The following TTC28 variants were observed in gnomAD, a reference collection of about 807,000 sequenced individuals.
The protein encoded by TTC28 is tetratricopeptide repeat protein 28.
A neutral mutation model predicts 198.0 loss-of-function variants in TTC28; 61 were observed. The observed-to-expected ratio is 0.31, with a 90% CI of 0.25 to 0.38. TTC28 has a LOEUF of 0.38. Ranked by LOEUF, TTC28 falls within the 10% of genes least tolerant of loss-of-function variation. TTC28 has a pLI of 1.00. For synonymous variants in TTC28, 1,171 were observed against 1,297.8 expected, an observed-to-expected ratio of 0.90 and a Z score of 2.10; for missense variants, 2,678 against 3,164.0, an observed-to-expected ratio of 0.85 and a Z score of 3.69.
At chr22:28,528,674 T>G (rs2049061936) in intron 2 of TTC28, among the ~76,000 whole-genome samples, 1 of 145,352 alleles carries the variant, frequency 6.9e-6, no homozygotes, top group African/African-American at 2.5e-5. Flanking sequence ...AAGCGGAGGT[T>G]ACAGTGAACT....
In TTC28 at chr22:28,435,349, G is replaced by C. The variant is rs574212848; in HGVS notation, c.382-128706C>G. ...CTCTTAGCTAGAAGAACCTAAAAAG[G>C]GTGGACTAACAAGAAAGTTCAGGAC... On this transcript the variant is annotated intron_variant, in intron 2 of 22. Transcript: ENST00000397906. Among the ~76,000 whole-genome samples, 69 of 152,238 alleles carry C rather than the reference G, an allele frequency of 4.5e-4. 1 individual carries two copies. The South Asian group carries it at 0.014, about 31-fold the overall frequency.
intron 2 of TTC28, among the ~76,000 whole-genome samples, chr22:28,607,709 A>C (rs769794189): frequency 9.9e-5 from 15 of 152,252 alleles, no homozygotes; most frequent in Admixed American, 4.6e-4. Flanking sequence ...ATCTCCCTGA[A>C]TCTTACTTTA....
Position 27,983,192 on chromosome 22 carries a change from G to C in TTC28, c.6475C>G (p.Pro2159Ala). The C allele has an allele frequency of 6.4e-7, 1 of 1,551,850 alleles. No individual in the cohort carries two copies. Residue 2159 changes from proline (P) to alanine (A), a missense_variant, in exon 23 of 23, where the codon CCA becomes GCA. Around this residue, in one of 8 missense-constraint regions of TTC28, gnomAD observed 622 missense variants for 656.0 expected, o/e 0.95. Coordinates refer to ENST00000397906, the MANE Select transcript of TTC28 (RefSeq NM_001145418.2). The part of the protein sequence containing the change: ...SQEESNPKLD[P>A]QELAQKILEE... The stretch of plus-strand genomic sequence containing the variant: ...AGAATTTTCTGGGCTAACTCTTGTG[G>C]ATCCAGTTTTGGGTTGCTTTCTTCT...
intron 5 of TTC28, among the ~76,000 whole-genome samples, chr22:28,171,523 G>A (rs191756725): frequency 1.3e-5 from 2 of 150,926 alleles, no homozygotes; most frequent in East Asian, 2.0e-4. Flanking sequence ...ATAGATATGA[G>A]TGATTTTCTA....
chr22:28,559,221 G>C (rs2049832730), intron 2 of TTC28, among the ~76,000 whole-genome samples: 1 of 151,986 alleles, frequency 6.6e-6, no homozygotes, highest in South Asian at 2.1e-4. Flanking sequence ...TTTCTACAAA[G>C]ATCAATTGAT....
chr22:28,074,870 C>T (rs1264831523), intron 12 of TTC28, among the ~76,000 whole-genome samples: 1 of 152,164 alleles, frequency 6.6e-6, no homozygotes, highest in Non-Finnish European at 1.5e-5. Flanking sequence ...GAGGCCAAGG[C>T]AGGCGGATCA....
At chr22:28,402,741 T>G (rs1158425262) in intron 2 of TTC28, among the ~76,000 whole-genome samples, 1 of 152,214 alleles carries the variant, frequency 6.6e-6, no homozygotes, top group East Asian at 1.9e-4. Flanking sequence ...ATTCTAAAAC[T>G]CTCACAGTAC....
At chr22:28,416,731 A>G (rs1234186404) in intron 2 of TTC28, among the ~76,000 whole-genome samples, 2 of 152,216 alleles carry the variant, frequency 1.3e-5, no homozygotes, top group African/African-American at 4.8e-5. Flanking sequence ...ATAGCACACA[A>G]CACTGAAACA....
intron 5 of TTC28, among the ~76,000 whole-genome samples, chr22:28,206,955 G>C (rs140271489): frequency 6.6e-6 from 1 of 152,250 alleles, no homozygotes; most frequent in African/African-American, 2.4e-5. Flanking sequence ...AGTAAAACTC[G>C]AAGGACAAGA....
At chr22:28,587,293 TG>T (rs1260411249) in intron 2 of TTC28, among the ~76,000 whole-genome samples, 3 of 152,128 alleles carry the variant, frequency 2.0e-5, no homozygotes. Flanking sequence ...TCACTTAAAC[TG>T]AGGAGGTAGA....
At chr22:28,463,015 G>T (rs889477065) in intron 2 of TTC28, among the ~76,000 whole-genome samples, 1 of 152,192 alleles carries the variant, frequency 6.6e-6, no homozygotes, top group East Asian at 1.9e-4. Flanking sequence ...ATACAGCAAA[G>T]ATATGCAAAT....
At chr22:28,534,144 T>C (rs2049209454) in intron 2 of TTC28, among the ~76,000 whole-genome samples, 1 of 151,946 alleles carries the variant, frequency 6.6e-6, no homozygotes, top group African/African-American at 2.4e-5. Flanking sequence ...TGGGAGAAAA[T>C]TTTTGCAATC....
intron 5 of TTC28, among the ~76,000 whole-genome samples, chr22:28,229,012 C>T (rs562854726): frequency 3.1e-4 from 47 of 151,188 alleles, no homozygotes; most frequent in Non-Finnish European, 5.5e-4. Flanking sequence ...GAAAATTAGC[C>T]GGGCATGGTG....
intron 13 of TTC28, among the ~76,000 whole-genome samples, chr22:28,015,120 C>A (rs1416346830): frequency 6.6e-6 from 1 of 152,260 alleles, no homozygotes; most frequent in African/African-American, 2.4e-5. Context: ...CATTCATTCA[C>A]TCATTCATTT....
At chr22:28,653,548 A>C (rs946628493) in intron 1 of TTC28, among the ~76,000 whole-genome samples, 4 of 151,366 alleles carry the variant, frequency 2.6e-5, no homozygotes, top group Non-Finnish European at 5.9e-5. Context: ...CTCTTCCAGG[A>C]GTTATATGGC....
chr22:28,098,553 AC>A (rs900688931), intron 10 of TTC28, among the ~76,000 whole-genome samples: 1 of 148,644 alleles, frequency 6.7e-6, no homozygotes, highest in Non-Finnish European at 1.5e-5. Flanking sequence ...CTCTATTTAA[AC>A]TTTTTTTTTT....
At chr22:28,579,786 T>G (rs969124140) in intron 2 of TTC28, among the ~76,000 whole-genome samples, 5 of 151,810 alleles carry the variant, frequency 3.3e-5, no homozygotes, top group African/African-American at 1.2e-4. Context: ...CTGGCCAACA[T>G]AGTGAAAGCC....
Position 28,375,346 on chromosome 22 carries a change from C to T in TTC28, c.382-68703G>A, listed in dbSNP as rs943412858. ...AACCTTATAAAGTATGTGGTGGCAT[C>T]TCATTTGTAAAACTGAGGATTAGAA... On this transcript the variant is annotated intron_variant, in intron 2 of 22. Transcript: ENST00000397906. Among the ~76,000 whole-genome samples, 3 of 152,092 alleles carry T rather than the reference C, an allele frequency of 2.0e-5. No homozygotes were observed. The East Asian group carries it at 5.8e-4, about 29-fold the overall frequency.
rs567325942 is a variant in TTC28, at chr22:28,460,881, G to A, written c.382-154238C>T. On this transcript the variant is annotated intron_variant, in intron 2 of 22. Transcript: ENST00000397906. ...AAGTTTTTTTGTAGAGACGGGTTTC[G>A]CCATGTTGCCCAGGCTGGTCTCAAA... Among the ~76,000 whole-genome samples the A allele has an allele frequency of 6.6e-4, 100 of 151,954 alleles. No homozygotes were observed. The South Asian group carries it at 0.01, about 16-fold the overall frequency.
Sources: allele counts gnomAD v4.1 joint callset (sites outside exome capture counted in the v4.1 genomes callset), GRCh38; gene constraint gnomAD v4.1.1; regional missense constraint gnomAD v4.1.1; transcripts MANE v1.5; gene names NCBI Gene and HGNC (gene_info 2026-07-23, HGNC 2026-07-21).